MYO10: variants seen among roughly 807,000 people sequenced by gnomAD.
MYO10 encodes myosin X.
MYO10 carries 133 observed loss-of-function variants against 257.3 expected under a neutral mutation model. The observed-to-expected ratio is 0.52, with a 90% CI of 0.45 to 0.60. MYO10 has a LOEUF of 0.60. MYO10 is among the 20% of genes least tolerant of loss of function. MYO10 has a pLI of 0.00. For missense variants in MYO10, 2,399 were observed against 2,635.7 expected, an observed-to-expected ratio of 0.91 and a Z score of 1.97; for synonymous variants, 1,104 against 1,028.6, an observed-to-expected ratio of 1.07 and a Z score of -1.40.
chr5:16,853,306 G>A (rs1469935981), intron 2 of MYO10, among the ~76,000 whole-genome samples: 2 of 151,754 alleles, frequency 1.3e-5, no homozygotes, highest in Admixed American at 6.6e-5. Flanking sequence ...CCCGAGAGGC[G>A]GAGCTTGCAG....
intron 3 of MYO10, among the ~76,000 whole-genome samples, 156 bp downstream of exon 3, chr5:16,817,853 T>A (rs1277527547): frequency 2.0e-5 from 3 of 152,180 alleles, no homozygotes; most frequent in African/African-American, 7.2e-5. Context: ...AAACATGATT[T>A]TTGACCCAAG....
intron 26 of MYO10, among the ~76,000 whole-genome samples, chr5:16,698,231 T>C (rs31580): frequency 0.17 from 25,432 of 152,044 alleles, 2,630 homozygotes; most frequent in East Asian, 0.31. Context: ...GGCATGATGG[T>C]GTGCGCCTGC....
In MYO10 at chr5:16,694,458, C is replaced by A; in HGVS notation, c.3713G>T (p.Trp1238Leu). The A allele has an allele frequency of 6.2e-7, 1 of 1,614,024 alleles. No homozygotes were observed. The highest frequency in any genetic ancestry group is 8.5e-7 in the Non-Finnish European group (1 of 1,179,892). The change falls in exon 27 of 41, where the codon TGG (tryptophan) becomes TTG (leucine). Residue 1238 changes from tryptophan to leucine, a missense_variant. Physicochemically the swap from Trp to Leu is moderately conservative, Grantham distance 61. Around this residue, in one of 3 missense-constraint regions of MYO10, gnomAD observed 1,820 missense variants for 1,939.4 expected, o/e 0.94. Coordinates refer to ENST00000513610, the MANE Select transcript of MYO10 (RefSeq NM_012334.3). ...TLSRRNWKKR[W>L]FVLRQSKLMY... is the part of the protein sequence containing the mutation. ...CAGCTTGGACTGGCGGAGGACAAAC[C>A]AGCGCTTCTTCCAATTTCTCCTGGA...
chr5:16,796,392 A>G (rs1254412515), intron 3 of MYO10, among the ~76,000 whole-genome samples: 4 of 150,170 alleles, frequency 2.7e-5, no homozygotes, highest in African/African-American at 9.8e-5. Context: ...AACAGAACAC[A>G]ACACAAAAGA....
At chr5:16,791,105 G>A (rs929642994) in intron 4 of MYO10, among the ~76,000 whole-genome samples, 2 of 152,070 alleles carry the variant, frequency 1.3e-5, no homozygotes, top group Non-Finnish European at 2.9e-5. Flanking sequence ...CTATCCAATC[G>A]ATGTTCACTT....
At chr5:16,812,372 C>A (rs1458136681) in intron 3 of MYO10, among the ~76,000 whole-genome samples, 1 of 152,228 alleles carries the variant, frequency 6.6e-6, no homozygotes, top group East Asian at 1.9e-4. Flanking sequence ...CCTATGGACA[C>A]TGGCATCAAA....
At chr5:16,759,729 C>A (rs888236159) in intron 17 of MYO10, among the ~76,000 whole-genome samples, 3 of 152,152 alleles carry the variant, frequency 2.0e-5, no homozygotes, top group African/African-American at 7.2e-5. Flanking sequence ...TTTATTTAAA[C>A]GTATCGCATT....
intron 26 of MYO10, among the ~76,000 whole-genome samples, chr5:16,695,521 A>G (rs1737706688): frequency 6.6e-6 from 1 of 151,628 alleles, no homozygotes; most frequent in East Asian, 1.9e-4. Context: ...TAAGACTGAG[A>G]CTATGAAAAA....
intron 38 of MYO10, 55 bp downstream of exon 38, chr5:16,671,367 C>G: frequency 6.3e-7 from 1 of 1,597,348 alleles, no homozygotes; most frequent in African/African-American, 1.3e-5. Context: ...TAAGTATTAA[C>G]AGGTTTCACC....
chr5:16,672,264 C>G (rs1484405811), intron 37 of MYO10, among the ~76,000 whole-genome samples: 1 of 133,660 alleles, frequency 7.5e-6, no homozygotes, highest in Non-Finnish European at 1.5e-5. Flanking sequence ...CACTGCACTT[C>G]AGCCTGGGCA....
At chr5:16,879,571 A>G (rs142450497) in intron 1 of MYO10, among the ~76,000 whole-genome samples, 2 of 152,188 alleles carry the variant, frequency 1.3e-5, no homozygotes, top group Non-Finnish European at 2.9e-5. Flanking sequence ...TGCAGCTTGG[A>G]GCTTAAGACT....
intron 1 of MYO10, among the ~76,000 whole-genome samples, chr5:16,887,024 A>C (rs565039594): frequency 1.3e-5 from 2 of 152,226 alleles, no homozygotes; most frequent in African/African-American, 4.8e-5. Flanking sequence ...CACCTAAAAA[A>C]AACACAGTAG....
chr5:16,695,744 A>C (rs1012251211), intron 26 of MYO10, among the ~76,000 whole-genome samples: 3 of 152,014 alleles, frequency 2.0e-5, no homozygotes, highest in Non-Finnish European at 2.9e-5. Context: ...CCAGTAATGA[A>C]AATAAGGGTC....
intron 2 of MYO10, among the ~76,000 whole-genome samples, chr5:16,842,688 G>A (rs1743518431): frequency 6.6e-6 from 1 of 152,148 alleles, no homozygotes; most frequent in Non-Finnish European, 1.5e-5. Flanking sequence ...ACTCTGGAAG[G>A]CCAAGATGGG....
chr5:16,683,968 G>A (rs1737126200), intron 29 of MYO10, 33 bp from the exon 30 acceptor site: 2 of 1,604,026 alleles, frequency 1.2e-6, no homozygotes, highest in South Asian at 1.1e-5. Context: ...CAGAATGAGA[G>A]AAGCACTAAA....
intron 33 of MYO10, among the ~76,000 whole-genome samples, chr5:16,679,572 T>A (rs1192922083): frequency 6.8e-6 from 1 of 147,822 alleles, no homozygotes; most frequent in African/African-American, 2.5e-5. Flanking sequence ...TCACCTAGGC[T>A]GGGGTGCAGT....
intron 1 of MYO10, among the ~76,000 whole-genome samples, chr5:16,894,058 C>T (rs1284452769): frequency 3.3e-5 from 5 of 152,146 alleles, no homozygotes; most frequent in Admixed American, 1.3e-4. Context: ...AAAGATAATA[C>T]AGGGAGTCCC....
intron 1 of MYO10, chr5:16,902,713 G>T: frequency 1.2e-6 from 1 of 813,898 alleles, no homozygotes; most frequent in Non-Finnish European, 2.1e-6. Flanking sequence ...TTTCAGTCAA[G>T]CTTGTCTCAA....
intron 9 of MYO10, among the ~76,000 whole-genome samples, chr5:16,773,262 G>A (rs1252227489): frequency 1.3e-5 from 2 of 151,996 alleles, no homozygotes; most frequent in Non-Finnish European, 2.9e-5. Context: ...CTTCTAAAAG[G>A]TAAAAGCAAA....
Sources: gnomAD v4.1 joint callset for allele counts (sites outside exome capture counted in the v4.1 genomes callset) on GRCh38, gnomAD v4.1.1 for gene constraint, gnomAD v4.1.1 regional missense constraint, MANE v1.5 for transcripts, NCBI Gene and HGNC (gene_info 2026-07-23, HGNC 2026-07-21) for gene names.